Variants in HRH1 observed in about 807,000 individuals in gnomAD.
HRH1 encodes the protein histamine receptor H1, also known as histamine H1 receptor.
In HRH1, 6 loss-of-function variants were observed where a neutral mutation model predicts 10.3. The observed-to-expected ratio is 0.58, with a 90% CI of 0.32 to 1.15. HRH1 has a LOEUF of 1.15. Among genes scored for constraint, HRH1 ranks in the 50% most tolerant of loss-of-function variants. The pLI, the probability that HRH1 is intolerant of heterozygous loss-of-function variation, is 0.05. For synonymous variants in HRH1, 242 were observed against 236.7 expected (o/e 1.02, Z -0.21); for missense variants, 514 against 615.3 (o/e 0.84, Z 1.74).
intron 1 of HRH1, among the ~76,000 whole-genome samples, chr3:11,143,491 C>A (rs1024807805): frequency 6.6e-6 from 1 of 152,236 alleles, no homozygotes; most frequent in Non-Finnish European, 1.5e-5. Context: ...GGAGCTCTGA[C>A]CCTGGAAGCG....
intron 1 of HRH1, among the ~76,000 whole-genome samples, chr3:11,236,033 C>T (rs1443943299): frequency 1.3e-5 from 2 of 152,214 alleles, no homozygotes; most frequent in African/African-American, 2.4e-5. Context: ...GCCTTTGCCT[C>T]TCCACCTGTC....
At chr3:11,235,329 C>T (rs952396845) in intron 1 of HRH1, among the ~76,000 whole-genome samples, 1 of 152,098 alleles carries the variant, frequency 6.6e-6, no homozygotes, top group African/African-American at 2.4e-5. Flanking sequence ...ATTTAAATCT[C>T]CTGATTTATC....
intron 1 of HRH1, among the ~76,000 whole-genome samples, chr3:11,139,883 G>A (rs1478118905): frequency 2.6e-5 from 4 of 152,294 alleles, no homozygotes; most frequent in East Asian, 1.9e-4. Context: ...GAAATGTTCC[G>A]AAAACTGCTA....
intron 1 of HRH1, among the ~76,000 whole-genome samples, chr3:11,167,981 G>A (rs1937079667): frequency 6.6e-6 from 1 of 152,220 alleles, no homozygotes; most frequent in Non-Finnish European, 1.5e-5. Context: ...TTCCAGCAGA[G>A]GGACATGCAG....
chr3:11,137,381 A>G (rs1405588634), exon 1 of HRH1: 2 of 152,606 alleles, frequency 1.3e-5, no homozygotes, highest in Non-Finnish European at 2.9e-5. Context: ...GGAGACAGGA[A>G]GCTACTGAAA....
At chr3:11,147,404 G>A (rs763182054) in intron 1 of HRH1, among the ~76,000 whole-genome samples, 4 of 152,150 alleles carry the variant, frequency 2.6e-5, no homozygotes, top group African/African-American at 4.8e-5. Flanking sequence ...ATAGGACTAT[G>A]AACATCCCAC....
chr3:11,187,971 G>A lies in HRH1; in HGVS notation c.-36+33417G>A, dbSNP rs534156624. On this transcript the variant is annotated intron_variant, in intron 1 of 1. Coordinates refer to ENST00000431010, the MANE Select transcript of HRH1 (RefSeq NM_001098212.2). ...CATTTTTCCTGTTATTAAAATGTGT[G>A]ATGCAAAGCTTTCCTGTGTATAACA... 1.2e-4 allele frequency among the ~76,000 whole-genome samples: 18 copies of A among 152,242 alleles called. No homozygotes were observed. In the South Asian group the frequency reaches 3.7e-3, roughly 32 times the overall value.
chr3:11,236,609 G>C (rs180946759), intron 1 of HRH1, among the ~76,000 whole-genome samples: 2 of 152,200 alleles, frequency 1.3e-5, no homozygotes, highest in Non-Finnish European at 2.9e-5. Flanking sequence ...AAGGGAGAAT[G>C]AATGGATAGA....
At chr3:11,194,091 T>C (rs944457828) in intron 1 of HRH1, among the ~76,000 whole-genome samples, 1 of 152,188 alleles carries the variant, frequency 6.6e-6, no homozygotes, top group Non-Finnish European at 1.5e-5. Flanking sequence ...GTATGTGTAG[T>C]ATAAGCATGT....
chr3:11,189,138 G>A (rs561208537), intron 1 of HRH1, among the ~76,000 whole-genome samples: 3 of 152,164 alleles, frequency 2.0e-5, no homozygotes, highest in Non-Finnish European at 4.4e-5. Flanking sequence ...AATGGGCTCA[G>A]TAAGGTTGAG....
chr3:11,162,063 G>A (rs1395562760), intron 1 of HRH1, among the ~76,000 whole-genome samples: 2 of 152,234 alleles, frequency 1.3e-5, no homozygotes, highest in African/African-American at 4.8e-5. Flanking sequence ...GCCCACTCAG[G>A]TACAGGCAGT....
At chr3:11,257,118 T>A (rs1939801579) in intron 1 of HRH1, among the ~76,000 whole-genome samples, 1 of 147,468 alleles carries the variant, frequency 6.8e-6, no homozygotes, top group South Asian at 2.2e-4. Context: ...CTGGGCGTGG[T>A]GGTGGGTGCC....
At chr3:11,240,036 A>G (rs896552173) in intron 1 of HRH1, among the ~76,000 whole-genome samples, 1 of 152,174 alleles carries the variant, frequency 6.6e-6, no homozygotes, top group African/African-American at 2.4e-5. Context: ...GTTCTGGGTC[A>G]GAGATAACTT....
At chr3:11,222,359 G>T (rs1021614114) in intron 1 of HRH1, among the ~76,000 whole-genome samples, 10 of 152,204 alleles carry the variant, frequency 6.6e-5, no homozygotes, top group Non-Finnish European at 7.3e-5. Context: ...CCTAGACTCT[G>T]TGATTGTTTT....
At chr3:11,235,645 G>A (rs1046075288) in intron 1 of HRH1, among the ~76,000 whole-genome samples, 11 of 152,318 alleles carry the variant, frequency 7.2e-5, no homozygotes, top group Non-Finnish European at 8.8e-5. Flanking sequence ...TGCAAGTCCC[G>A]GCTCCCTGCT....
At chr3:11,256,672 G>C (rs370195368) in intron 1 of HRH1, among the ~76,000 whole-genome samples, 1 of 151,824 alleles carries the variant, frequency 6.6e-6, no homozygotes, top group Admixed American at 6.6e-5. Context: ...GGTGGTGGGC[G>C]CATGTAATCC....
At chr3:11,142,094 AC>A (rs1324680398) in intron 1 of HRH1, among the ~76,000 whole-genome samples, 2 of 152,196 alleles carry the variant, frequency 1.3e-5, no homozygotes, top group African/African-American at 4.8e-5. Flanking sequence ...GCAGAGCTAG[AC>A]CAGGTCCCAA....
chr3:11,145,458 C>A (rs1936418023), intron 1 of HRH1, among the ~76,000 whole-genome samples: 1 of 152,098 alleles, frequency 6.6e-6, no homozygotes, highest in African/African-American at 2.4e-5. Flanking sequence ...CCTACTGCAC[C>A]CCACACACAG....
chr3:11,239,579 A>T (rs900399393), intron 1 of HRH1, among the ~76,000 whole-genome samples: 2 of 152,142 alleles, frequency 1.3e-5, no homozygotes, highest in African/African-American at 4.8e-5. Context: ...TGTCTCAGAA[A>T]TCTTTGCCTA....
Sources: allele counts gnomAD v4.1 joint callset (sites outside exome capture counted in the v4.1 genomes callset), GRCh38; gene constraint gnomAD v4.1.1; transcripts MANE v1.5; gene names NCBI Gene and HGNC (gene_info 2026-07-23, HGNC 2026-07-21).